CCSER1: variants seen among roughly 807,000 people sequenced by gnomAD.
CCSER1 encodes serine-rich coiled-coil domain-containing protein 1.
In CCSER1, 41 loss-of-function variants were observed where a neutral mutation model predicts 82.0. The observed-to-expected ratio is 0.50, with a 90% confidence interval of 0.39 to 0.65. The LOEUF (loss-of-function observed/expected upper bound fraction) is 0.65. CCSER1 is among the 30% of genes least tolerant of loss of function. The pLI is 0.00. For missense variants in CCSER1, 1,119 were observed against 1,064.2 expected (o/e 1.05, Z -0.72); for synonymous variants, 414 against 383.9 (o/e 1.08, Z -0.92).
intron 9 of CCSER1, among the ~76,000 whole-genome samples, chr4:90,926,221 A>C (rs10033789): frequency 0.42 from 63,456 of 151,780 alleles, 13,730 homozygotes; most frequent in African/African-American, 0.53. Flanking sequence ...ATATTTTATA[A>C]ACACATGTAT....
intron 7 of CCSER1, among the ~76,000 whole-genome samples, chr4:90,793,421 G>A (rs1755540708): frequency 6.6e-6 from 1 of 152,204 alleles, no homozygotes; most frequent in African/African-American, 2.4e-5. Context: ...ACTTATAAGT[G>A]AGAACATGCA....
At chr4:91,048,101 G>T (rs1023454216) in intron 9 of CCSER1, among the ~76,000 whole-genome samples, 2 of 151,808 alleles carry the variant, frequency 1.3e-5, no homozygotes, top group Admixed American at 6.6e-5. Context: ...ATGATATAAT[G>T]CCAAATACTG....
At chr4:91,314,120 G>A (rs1745671554) in intron 10 of CCSER1, among the ~76,000 whole-genome samples, 1 of 151,918 alleles carries the variant, frequency 6.6e-6, no homozygotes, top group Non-Finnish European at 1.5e-5. Context: ...TTCATCTGCA[G>A]TTTCTGCCAT....
At chr4:90,229,103 T>A (rs999087866) in intron 1 of CCSER1, among the ~76,000 whole-genome samples, 12 of 152,184 alleles carry the variant, frequency 7.9e-5, no homozygotes, top group East Asian at 3.9e-4. Flanking sequence ...AACATTCAGA[T>A]TCAGAAATAC....
intron 1 of CCSER1, among the ~76,000 whole-genome samples, chr4:90,230,903 T>C (rs967864495): frequency 0.012 from 1,876 of 151,882 alleles, 16 homozygotes; most frequent in Non-Finnish European, 0.02. Flanking sequence ...ACACATACAC[T>C]CTCCCAAGAC....
intron 1 of CCSER1, among the ~76,000 whole-genome samples, chr4:90,194,310 T>A (rs1201564713): frequency 6.6e-6 from 1 of 152,048 alleles, no homozygotes; most frequent in Non-Finnish European, 1.5e-5. Flanking sequence ...TTAAATGAAA[T>A]TATGATTGAA....
At chr4:91,414,222 A>G (rs1253772150) in intron 10 of CCSER1, among the ~76,000 whole-genome samples, 1 of 152,200 alleles carries the variant, frequency 6.6e-6, no homozygotes, top group African/African-American at 2.4e-5. Context: ...ACTAATAACT[A>G]TCACTACAAT....
chr4:91,062,503 C>T (rs1744046887), intron 9 of CCSER1, among the ~76,000 whole-genome samples: 1 of 152,012 alleles, frequency 6.6e-6, no homozygotes, highest in South Asian at 2.1e-4. Flanking sequence ...TGGTCCTAAC[C>T]TTCTTTAGTC....
intron 1 of CCSER1, among the ~76,000 whole-genome samples, chr4:90,204,827 A>G (rs1377588978): frequency 6.6e-6 from 1 of 152,208 alleles, no homozygotes; most frequent in East Asian, 1.9e-4. Flanking sequence ...ATCCATGAGC[A>G]TGGGATGTTT....
At chr4:91,054,678 G>A (rs1743288008) in intron 9 of CCSER1, among the ~76,000 whole-genome samples, 1 of 151,300 alleles carries the variant, frequency 6.6e-6, no homozygotes, top group Non-Finnish European at 1.5e-5. Flanking sequence ...AAATGCTTGG[G>A]ACAAGCAGTA....
At chr4:90,860,889 T>C (rs1231487074) in intron 8 of CCSER1, among the ~76,000 whole-genome samples, 1 of 151,454 alleles carries the variant, frequency 6.6e-6, no homozygotes, top group Admixed American at 6.6e-5. Flanking sequence ...AGTTAATGGG[T>C]ATGGAGTATT....
intron 10 of CCSER1, among the ~76,000 whole-genome samples, chr4:91,499,004 AC>A (rs1263743739): frequency 4.6e-5 from 7 of 151,916 alleles, no homozygotes; most frequent in Non-Finnish European, 7.4e-5. Context: ...ATTGTCTGTT[AC>A]TGCAAACAAT....
At chr4:90,787,764 C>T (rs1430045430) in intron 7 of CCSER1, among the ~76,000 whole-genome samples, 1 of 152,102 alleles carries the variant, frequency 6.6e-6, no homozygotes, top group Non-Finnish European at 1.5e-5. Context: ...GTGACCTTGA[C>T]CTTGATGAGA....
chr4:90,908,033 A>C (rs1407611977), intron 8 of CCSER1, among the ~76,000 whole-genome samples: 1 of 152,096 alleles, frequency 6.6e-6, no homozygotes, highest in Non-Finnish European at 1.5e-5. Flanking sequence ...AGTGTGCCTA[A>C]AAGTATATAA....
intron 5 of CCSER1, among the ~76,000 whole-genome samples, chr4:90,572,585 A>G (rs974862625): frequency 6.6e-6 from 1 of 151,430 alleles, no homozygotes; most frequent in Non-Finnish European, 1.5e-5. Flanking sequence ...TATTATTATT[A>G]TTATTATTAT....
At chr4:90,377,759 T>C (rs549283933) in intron 3 of CCSER1, among the ~76,000 whole-genome samples, 6 of 152,262 alleles carry the variant, frequency 3.9e-5, no homozygotes, top group African/African-American at 1.4e-4. Context: ...ATAATAGATC[T>C]GATTATAACT....
chr4:90,153,008 T>G (rs1221678345), intron 1 of CCSER1, among the ~76,000 whole-genome samples: 1 of 150,206 alleles, frequency 6.7e-6, no homozygotes, highest in Non-Finnish European at 1.5e-5. Context: ...TAGCATTAGG[T>G]ATATCTCCTA....
chr4:91,148,831 T>G (rs1326983553), intron 10 of CCSER1, among the ~76,000 whole-genome samples: 1 of 152,204 alleles, frequency 6.6e-6, no homozygotes, highest in South Asian at 2.1e-4. Flanking sequence ...TTTTTATGGC[T>G]GCATAGTATT....
intron 10 of CCSER1, among the ~76,000 whole-genome samples, chr4:91,103,355 C>T (rs1725272915): frequency 6.6e-6 from 1 of 152,070 alleles, no homozygotes; most frequent in African/African-American, 2.4e-5. Flanking sequence ...CAGTTCCTTC[C>T]CAGTGATCAC....
Sources: allele counts gnomAD v4.1 joint callset (sites outside exome capture counted in the v4.1 genomes callset), GRCh38; gene constraint gnomAD v4.1.1; transcripts MANE v1.5; gene names NCBI Gene and HGNC (gene_info 2026-07-23, HGNC 2026-07-21).